The following SLIT1 variants were observed in gnomAD, a reference collection of about 807,000 sequenced individuals.
The protein encoded by SLIT1 is slit guidance ligand 1.
SLIT1 carries 66 observed loss-of-function variants against 186.1 expected under a neutral mutation model. That is an observed-to-expected ratio of 0.35 (90% CI 0.29 to 0.44). SLIT1 has a LOEUF of 0.44. Ranked by LOEUF, SLIT1 falls within the 20% of genes least tolerant of loss-of-function variation. SLIT1 has a pLI of 1.00. For missense variants in SLIT1, 1,638 were observed against 2,037.4 expected, an observed-to-expected ratio of 0.80 and a Z score of 3.77; for synonymous variants, 761 against 833.8, an observed-to-expected ratio of 0.91 and a Z score of 1.50.
At position 97,022,448 on chromosome 10, in the gene SLIT1, G is replaced by A. The variant is rs1018027148; in HGVS notation, c.2583-1035C>T. Among the ~76,000 whole-genome samples, 5 of 152,180 alleles carry A rather than the reference G, an allele frequency of 3.3e-5. No individual in the cohort carries two copies. Among genetic ancestry groups the A allele is most frequent in the Non-Finnish European group, 7.3e-5 (5 of 68,042 alleles). On this transcript the variant is annotated intron_variant, in intron 25 of 36. Transcript: ENST00000266058. The surrounding 1 kb of genome is among the most constrained non-coding windows in gnomAD (Gnocchi z 4.2). The stretch of plus-strand genomic sequence containing the variant: ...ACACTTTTTAAAAAATGCTTAATTT[G>A]GTATTATGTGAATTTCACCTCAATT...
intron 1 of SLIT1, among the ~76,000 whole-genome samples, chr10:97,169,062 C>T (rs1850154462): frequency 6.6e-6 from 1 of 152,038 alleles, no homozygotes; most frequent in Non-Finnish European, 1.5e-5. Context: ...AGTCCCACCC[C>T]TCCTCCTCAC....
At position 97,049,237 on chromosome 10, in the gene SLIT1, A is replaced by G. The variant is rs569798837; in HGVS notation, c.1302-119T>C. The stretch of plus-strand genomic sequence containing the variant: ...GGAGGCTGCCTGTGGCCTGGAGCCT[A>G]GGGTCAGCCACGGGGGGAAAGAGAG... On this transcript the variant is annotated intron_variant, in intron 13 of 36. Transcript: ENST00000266058. The G allele has an allele frequency of 5.2e-4, 624 of 1,197,606 alleles. 1 individual carries two copies. Among genetic ancestry groups the G allele is most frequent in the Middle Eastern group, 1.5e-3 (6 of 4,060 alleles). 74.2% of individuals were successfully genotyped at this position (1,197,606 alleles called of 1,614,324 possible).
intron 4 of SLIT1, among the ~76,000 whole-genome samples, chr10:97,139,741 G>A (rs1282493697): frequency 6.6e-6 from 1 of 152,168 alleles, no homozygotes; most frequent in Non-Finnish European, 1.5e-5. Context: ...CAGAGTTCCG[G>A]GGGCCTGGAT....
chr10:97,100,486 A>T (rs1421115998), intron 4 of SLIT1, among the ~76,000 whole-genome samples: 3 of 152,080 alleles, frequency 2.0e-5, no homozygotes, highest in Non-Finnish European at 2.9e-5. Flanking sequence ...AAGAAAAAAA[A>T]TTAGCCAGGC....
intron 4 of SLIT1, among the ~76,000 whole-genome samples, chr10:97,151,688 G>A (rs1039730028): frequency 1.4e-4 from 21 of 152,244 alleles, no homozygotes; most frequent in African/African-American, 5.1e-4. Context: ...CCCCTTGGAT[G>A]TGTCACATAC....
intron 4 of SLIT1, among the ~76,000 whole-genome samples, chr10:97,072,984 G>C (rs964212695): frequency 7.9e-5 from 12 of 152,246 alleles, no homozygotes; most frequent in Non-Finnish European, 1.5e-4. Flanking sequence ...CCTGCCCGAA[G>C]CACAGCCTAA....
At chr10:97,111,389 A>G (rs1188269967) in intron 4 of SLIT1, among the ~76,000 whole-genome samples, 3 of 152,154 alleles carry the variant, frequency 2.0e-5, no homozygotes, top group Admixed American at 1.3e-4. Context: ...TAGAGTCTAC[A>G]GAGATTATTC....
chr10:97,073,532 G>A (rs999422307), intron 4 of SLIT1, among the ~76,000 whole-genome samples: 5 of 152,188 alleles, frequency 3.3e-5, no homozygotes, highest in African/African-American at 9.6e-5. Flanking sequence ...GGACAGTGAC[G>A]AGGGCACCAT....
rs11188995 is a variant in SLIT1 at position 97,033,281 on chromosome 10, C to G, written c.2438+1190G>C. Among the ~76,000 whole-genome samples, 266 of 152,222 alleles carry G rather than the reference C, an allele frequency of 1.7e-3. 2 individuals carry two copies. The highest frequency in any genetic ancestry group is 3.0e-3 in the Non-Finnish European group (205 of 68,000). On this transcript the variant is annotated intron_variant, in intron 23 of 36. Coordinates refer to ENST00000266058, the MANE Select transcript of SLIT1 (RefSeq NM_003061.3). ...CCTGGAGAATGGCTGGGTCAGGGCCCCTTCCTTTTTTGGGTACTGGCTCTA... is the reference window on the plus strand; with the variant it reads ...CCTGGAGAATGGCTGGGTCAGGGCCGCTTCCTTTTTTGGGTACTGGCTCTA...
chr10:97,018,537 G>A, intron 28 of SLIT1, 49 bp downstream of exon 28: 1 of 1,197,922 alleles, frequency 8.3e-7, no homozygotes, highest in South Asian at 1.3e-5. Context: ...AGGCACAGGT[G>A]CTGGGCCCAT....
chr10:97,144,577 T>G (rs1179651045), intron 4 of SLIT1, among the ~76,000 whole-genome samples: 2 of 151,958 alleles, frequency 1.3e-5, no homozygotes, highest in Non-Finnish European at 2.9e-5. Flanking sequence ...AAAGGGGAGC[T>G]CTGTCCCCCA....
intron 4 of SLIT1, among the ~76,000 whole-genome samples, chr10:97,126,769 T>C (rs1849606912): frequency 6.6e-6 from 1 of 152,124 alleles, no homozygotes; most frequent in African/African-American, 2.4e-5. Flanking sequence ...TCACAGGCTG[T>C]TAGATCTGGA....
intron 10 of SLIT1, 141 bp downstream of exon 10, chr10:97,059,946 G>A: frequency 1.3e-6 from 1 of 752,252 alleles, no homozygotes; most frequent in African/African-American, 1.7e-5. Flanking sequence ...CAAGCAGCCT[G>A]AAGGGCAGGA....
chr10:97,122,297 A>C (rs1564681186), intron 4 of SLIT1, among the ~76,000 whole-genome samples: 1 of 152,228 alleles, frequency 6.6e-6, no homozygotes, highest in Non-Finnish European at 1.5e-5. Context: ...TTCTTGCCTC[A>C]TTCATTCAAC....
At chr10:97,053,904 A>G (rs553938793) in intron 13 of SLIT1, among the ~76,000 whole-genome samples, 1 of 152,336 alleles carries the variant, frequency 6.6e-6, no homozygotes, top group African/African-American at 2.4e-5. Context: ...GTTGAAATGT[A>G]ATCCCCAGTG....
intron 25 of SLIT1, among the ~76,000 whole-genome samples, chr10:97,024,922 G>A (rs529908248): frequency 2.1e-4 from 32 of 152,144 alleles, no homozygotes; most frequent in Non-Finnish European, 3.7e-4. Context: ...ATAAATGTCA[G>A]CAAAGTGACA....
chr10:97,019,439 C>T (rs1171594616), intron 26 of SLIT1, among the ~76,000 whole-genome samples: 1 of 152,212 alleles, frequency 6.6e-6, no homozygotes, highest in Non-Finnish European at 1.5e-5. Context: ...GGGACAGTTG[C>T]TACCACCGAA....
Position 97,185,543 on chromosome 10 carries a change from C to G in SLIT1, c.132G>C (p.Thr44=). ...GCAGCCCCGTGCCGTGGCAGTCCAC[C>G]GTGGTTCCGGTGCAGGTGCAGAGGG... ...CPALCTCTGT[T]VDCHGTGLQA... is the part of the protein sequence containing the mutation. Residue 44 remains threonine (T), a synonymous_variant, in exon 1 of 37, where the codon ACG becomes ACC. Coordinates refer to ENST00000266058, the MANE Select transcript of SLIT1 (RefSeq NM_003061.3). 2 of 1,611,822 alleles carry G rather than the reference C, an allele frequency of 1.2e-6. No homozygotes were observed. The highest frequency in any genetic ancestry group is 1.7e-6 in the Non-Finnish European group (2 of 1,179,552).
At chr10:97,002,518 A>T in intron 35 of SLIT1, 149 bp from the exon 36 acceptor site, 1 of 754,160 alleles carries the variant, frequency 1.3e-6, no homozygotes, top group South Asian at 1.9e-5. Flanking sequence ...AGGGAGTTGC[A>T]TGCGACTATG....
Sources: gnomAD v4.1 joint callset for allele counts (sites outside exome capture counted in the v4.1 genomes callset) on GRCh38, gnomAD v4.1.1 for gene constraint, Gnocchi (gnomAD v3.1) non-coding constraint, MANE v1.5 for transcripts, NCBI Gene and HGNC (gene_info 2026-07-23, HGNC 2026-07-21) for gene names.